PDS5B: variants seen among roughly 807,000 people sequenced by gnomAD.
The protein encoded by PDS5B is sister chromatid cohesion protein PDS5 homolog B.
PDS5B carries 51 observed loss-of-function variants against 184.1 expected under a neutral mutation model. That is an observed-to-expected ratio of 0.28 (90% CI 0.22 to 0.35). The LOEUF (loss-of-function observed/expected upper bound fraction) is 0.35, where lower values mean the gene tolerates loss of function less well. PDS5B is among the 10% of genes least tolerant of loss of function. PDS5B has a pLI of 1.00. For missense variants in PDS5B, 1,180 were observed against 1,723.3 expected (o/e 0.68, Z 5.58); for synonymous variants, 566 against 569.2 (o/e 0.99, Z 0.08).
chr13:32,685,714 C>T (rs571492748), intron 11 of PDS5B, among the ~76,000 whole-genome samples: 10 of 152,300 alleles, frequency 6.6e-5, no homozygotes, highest in African/African-American at 2.4e-4. Context: ...GGTGCCATCA[C>T]GGCTCATTGC....
intron 9 of PDS5B, among the ~76,000 whole-genome samples, chr13:32,678,285 T>C: frequency 6.6e-6 from 1 of 152,176 alleles, no homozygotes; most frequent in East Asian, 1.9e-4. Context: ...ACAGATGTAA[T>C]GTAAAAAGTG....
chr13:32,770,101 T>A lies in PDS5B; in HGVS notation c.3625-20T>A, dbSNP rs752098332. ...CTCACAATTTCATAACCATAAATTG[T>A]GATTTTTTTTTTCCCCTAGTCTGAA... On this transcript the variant is annotated intron_variant, in intron 31 of 34. Transcript: ENST00000315596. 1 of 1,541,174 alleles carries A rather than the reference T, an allele frequency of 6.5e-7. No individual in the cohort carries two copies.
At chr13:32,663,707 T>G (rs1306848917) in intron 6 of PDS5B, among the ~76,000 whole-genome samples, 1 of 152,162 alleles carries the variant, frequency 6.6e-6, no homozygotes, top group Non-Finnish European at 1.5e-5. Context: ...AAAAAATTTG[T>G]ATTTATTTAT....
At chr13:32,684,106 A>G in intron 11 of PDS5B, 83 bp downstream of exon 11, 27 of 615,800 alleles carry the variant, frequency 4.4e-5, no homozygotes, top group Non-Finnish European at 6.3e-5. Flanking sequence ...ATTTAAATAT[A>G]CATATTTAAA....
At chr13:32,674,459 A>G (rs929817500) in intron 8 of PDS5B, among the ~76,000 whole-genome samples, 11 of 152,074 alleles carry the variant, frequency 7.2e-5, no homozygotes, top group African/African-American at 1.7e-4. Context: ...TAATGTGGTT[A>G]GTGATTTGGG....
chr13:32,719,671 A>G (rs1451913195), intron 19 of PDS5B, among the ~76,000 whole-genome samples: 1 of 152,142 alleles, frequency 6.6e-6, no homozygotes, highest in Non-Finnish European at 1.5e-5. Context: ...AGGAACCACT[A>G]TTTAGATAAA....
rs1228790067 is a variant in PDS5B at position 32,770,468 on chromosome 13, A to G, written c.3972A>G (p.Pro1324=). The G allele has an allele frequency of 1.9e-6, 3 of 1,612,748 alleles. No homozygotes were observed. The highest frequency in any genetic ancestry group is 2.2e-5 in the South Asian group (2 of 90,882). The part of the protein sequence containing the change: ...GSKKKSGPPA[P]EEEEEEERQS... ...AAAAAAAATCTGGACCTCCAGCACCAGAGGAGGAGGAAGAAGAAGAAAGAC... is the reference window on the plus strand; with the variant it reads ...AAAAAAAATCTGGACCTCCAGCACCGGAGGAGGAGGAAGAAGAAGAAAGAC... Residue 1324 remains proline (P), a synonymous_variant, in exon 32 of 35, where the codon CCA becomes CCG. Transcript: ENST00000315596.
intron 33 of PDS5B, 93 bp from the exon 34 acceptor site, chr13:32,773,096 T>G: frequency 9.6e-7 from 1 of 1,037,652 alleles, no homozygotes; most frequent in Non-Finnish European, 1.4e-6. Context: ...GTAAAGATGA[T>G]ATGACGATGA....
intron 20 of PDS5B, among the ~76,000 whole-genome samples, chr13:32,733,909 A>G (rs1593551447): frequency 6.6e-6 from 1 of 151,722 alleles, no homozygotes; most frequent in African/African-American, 2.4e-5. Context: ...ATGCACATAC[A>G]CACGCATATT....
chr13:32,714,976 G>A (rs1405430724), intron 19 of PDS5B, among the ~76,000 whole-genome samples: 1 of 152,196 alleles, frequency 6.6e-6, no homozygotes, highest in East Asian at 1.9e-4. Flanking sequence ...TTTAGAGATT[G>A]CAGTAAAGAC....
At chr13:32,718,449 C>CA in intron 19 of PDS5B, among the ~76,000 whole-genome samples, 1 of 151,806 alleles carries the variant, frequency 6.6e-6, no homozygotes, top group East Asian at 1.9e-4. Flanking sequence ...CACGCCTGGC[C>CA]AAAAAAATCA....
At chr13:32,643,249 C>T (rs1950142941) in intron 1 of PDS5B, among the ~76,000 whole-genome samples, 1 of 152,114 alleles carries the variant, frequency 6.6e-6, no homozygotes, top group South Asian at 2.1e-4. Context: ...GGCTGAGTAT[C>T]TTCTTTGGTT....
rs1256382817 is a variant in PDS5B at position 32,776,402 on chromosome 13, T to G, written c.*1350T>G. The G allele has an allele frequency of 6.6e-6, 1 of 152,424 alleles. No homozygotes were observed. The highest frequency in any genetic ancestry group is 2.4e-5 in the African/African-American group (1 of 41,434). 9.4% of individuals were successfully genotyped at this position (152,424 alleles called of 1,614,324 possible). On this transcript the variant is annotated 3_prime_UTR_variant, in exon 35 of 35. Transcript: ENST00000315596. ...CCAGATTGGGAGAAGTGGAAATTTATTTGGATTTAGAGCAGGTCTTTTTTT... is the reference window on the plus strand; with the variant it reads ...CCAGATTGGGAGAAGTGGAAATTTAGTTGGATTTAGAGCAGGTCTTTTTTT...
intron 19 of PDS5B, among the ~76,000 whole-genome samples, chr13:32,722,239 C>G (rs987804831): frequency 6.6e-5 from 10 of 152,218 alleles, no homozygotes; most frequent in African/African-American, 2.4e-4. Context: ...GCCTGCAATC[C>G]CAGGCACTGG....
intron 15 of PDS5B, among the ~76,000 whole-genome samples, chr13:32,698,989 G>A (rs369613824): frequency 6.6e-6 from 1 of 151,964 alleles, no homozygotes; most frequent in Non-Finnish European, 1.5e-5. Context: ...TCCTGACCTC[G>A]TGATCCTCCT....
intron 1 of PDS5B, among the ~76,000 whole-genome samples, chr13:32,596,529 T>C (rs1382840819): frequency 6.6e-6 from 1 of 152,236 alleles, no homozygotes; most frequent in Non-Finnish European, 1.5e-5. Context: ...AGGAATGGAA[T>C]TGCTGGTTTG....
At chr13:32,767,900 C>T (rs543896764) in intron 31 of PDS5B, among the ~76,000 whole-genome samples, 1 of 152,252 alleles carries the variant, frequency 6.6e-6, no homozygotes, top group South Asian at 2.1e-4. Flanking sequence ...CTACCAGATA[C>T]ATAATTATAC....
chr13:32,775,955 C>T lies in PDS5B; in HGVS notation c.*903C>T, dbSNP rs1206692053. ...TTGTGTATAGATATTTCCTCTTGAA[C>T]GTTATGTTCAGAAAATGCAAATTAC... On this transcript the variant is annotated 3_prime_UTR_variant, in exon 35 of 35. Transcript: ENST00000315596. The T allele has an allele frequency of 1.0e-5, 2 of 191,698 alleles. No individual in the cohort carries two copies. The highest frequency in any genetic ancestry group is 2.4e-5 in the African/African-American group (1 of 41,880). The allele number at this position is 191,698 out of a possible 1,614,324, so 11.9% of individuals were successfully genotyped here.
intron 1 of PDS5B, among the ~76,000 whole-genome samples, chr13:32,614,159 T>G (rs2058184508): frequency 6.6e-6 from 1 of 152,212 alleles, no homozygotes. Flanking sequence ...AATTGGGAAT[T>G]GTGAGCCCTC....
Sources: gnomAD v4.1 joint callset for allele counts (sites outside exome capture counted in the v4.1 genomes callset) on GRCh38, gnomAD v4.1.1 for gene constraint, MANE v1.5 for transcripts, NCBI Gene and HGNC (gene_info 2026-07-23, HGNC 2026-07-21) for gene names.